The following PXDN variants were observed in gnomAD, a reference collection of about 807,000 sequenced individuals.
PXDN encodes the protein peroxidasin homolog.
In PXDN, 77 loss-of-function variants were observed where a neutral mutation model predicts 140.3. The observed-to-expected ratio is 0.55, with a 90% confidence interval of 0.46 to 0.66. PXDN has a LOEUF of 0.66. Among genes scored for constraint, PXDN ranks in the 30% least tolerant of loss-of-function variants. The pLI is 0.00. For synonymous variants in PXDN, 911 were observed against 857.4 expected (o/e 1.06, Z -1.09); for missense variants, 1,838 against 2,039.5 (o/e 0.90, Z 1.90).
intron 8 of PXDN, among the ~76,000 whole-genome samples, chr2:1,675,292 A>C (rs892241625): frequency 6.6e-6 from 1 of 152,206 alleles, no homozygotes; most frequent in Non-Finnish European, 1.5e-5. Context: ...ACAGGTCACC[A>C]GGCCTCAGGG....
At chr2:1,720,555 A>G (rs1169573076) in intron 1 of PXDN, among the ~76,000 whole-genome samples, 2 of 151,884 alleles carry the variant, frequency 1.3e-5, no homozygotes, top group African/African-American at 4.8e-5. Context: ...TTCTCACACC[A>G]CCTGCTCCAG....
At chr2:1,712,730 T>TC (rs1684812522) in intron 1 of PXDN, among the ~76,000 whole-genome samples, 2 of 152,162 alleles carry the variant, frequency 1.3e-5, no homozygotes, top group South Asian at 4.1e-4. Context: ...GTTTTAGATT[T>TC]CTTTTTTTTT....
chr2:1,696,356 G>C (rs1013977834), intron 1 of PXDN, among the ~76,000 whole-genome samples: 5 of 152,066 alleles, frequency 3.3e-5, no homozygotes, highest in African/African-American at 7.2e-5. Context: ...CATGCTCTAA[G>C]GCAGAGCACC....
chr2:1,711,122 ACT>A (rs1316748989), intron 1 of PXDN, among the ~76,000 whole-genome samples: 5 of 43,138 alleles, frequency 1.2e-4, no homozygotes, highest in Admixed American at 2.7e-4. Flanking sequence ...ACCAGCACCC[ACT>A]CTCCACCAGC....
intron 1 of PXDN, among the ~76,000 whole-genome samples, chr2:1,718,692 G>A (rs1288714954): frequency 6.6e-6 from 1 of 152,250 alleles, no homozygotes; most frequent in Non-Finnish European, 1.5e-5. Flanking sequence ...AGCAAACACG[G>A]GGTGACGCGG....
chr2:1,656,636 G>A, intron 14 of PXDN, among the ~76,000 whole-genome samples: 1 of 148,942 alleles, frequency 6.7e-6, no homozygotes, highest in Non-Finnish European at 1.5e-5. Flanking sequence ...CTCATGACAG[G>A]CACCTGCACA....
intron 21 of PXDN, 142 bp downstream of exon 21, chr2:1,638,704 C>A: frequency 2.3e-6 from 3 of 1,321,332 alleles, no homozygotes; most frequent in African/African-American, 1.4e-5. Context: ...AGAAATGACA[C>A]CCCCAAGGCT....
intron 15 of PXDN, 129 bp from the exon 16 acceptor site, chr2:1,653,914 A>G: frequency 2.6e-6 from 3 of 1,155,666 alleles, no homozygotes; most frequent in Non-Finnish European, 2.4e-6. Context: ...AATGTACTAT[A>G]CCTTCCTCAT....
At chr2:1,718,349 G>C (rs1172030035) in intron 1 of PXDN, among the ~76,000 whole-genome samples, 6 of 151,286 alleles carry the variant, frequency 4.0e-5, no homozygotes, top group Non-Finnish European at 4.4e-5. Context: ...ACCACCCAAA[G>C]CTACTCTATT....
At position 1,680,285 on chromosome 2, in the gene PXDN, G is replaced by A. The variant is rs751455151; in HGVS notation, c.638C>T (p.Ser213Leu). 4.3e-6 allele frequency: 7 copies of A among 1,613,860 alleles called. No homozygotes were observed. The highest frequency in any genetic ancestry group is 4.0e-5 in the African/African-American group (3 of 74,906). The change falls in exon 7 of 23, where the codon TCG becomes TTG. Residue 213 changes from serine to leucine, a missense_variant. Transcript: ENST00000252804. ...GATGGCCGCTGCCTGCGCGTTCCCC[G>A]ACTCCGCGTAGGTTTTCAGCAAATC... ...LADLLKTYAE[S>L]GNAQAAAICE...
chr2:1,741,432 C>T (rs12992568), intron 1 of PXDN, among the ~76,000 whole-genome samples: 69,353 of 151,746 alleles, frequency 0.46, 16,507 homozygotes, highest in African/African-American at 0.59. Context: ...GCACAGGGCG[C>T]GGGCTCCTGC....
intron 1 of PXDN, among the ~76,000 whole-genome samples, chr2:1,725,274 A>G (rs1685150133): frequency 6.6e-6 from 1 of 152,154 alleles, no homozygotes; most frequent in South Asian, 2.1e-4. Context: ...AGGATTTTCT[A>G]TATATAGGAA....
intron 17 of PXDN, among the ~76,000 whole-genome samples, chr2:1,647,298 G>A (rs570101502): frequency 1.3e-5 from 2 of 152,280 alleles, no homozygotes; most frequent in Non-Finnish European, 2.9e-5. Flanking sequence ...GCAAAAAGGA[G>A]AGCCGCTGAA....
chr2:1,740,382 A>C lies in PXDN; in HGVS notation c.200+3874T>G, dbSNP rs565238060. 9.6e-4 allele frequency among the ~76,000 whole-genome samples: 146 copies of C among 152,124 alleles called. 1 individual carries two copies. The highest frequency in any genetic ancestry group is 3.4e-3 in the African/African-American group (142 of 41,498). On this transcript the variant is annotated intron_variant, in intron 1 of 22. Coordinates refer to ENST00000252804, the MANE Select transcript of PXDN (RefSeq NM_012293.3). ...ATGAACCTCGGGACCCATGTGACTC[A>C]CTCAGGCGACGCAGTCTCCTAGACA...
chr2:1,688,618 G>A (rs770824586), intron 3 of PXDN, among the ~76,000 whole-genome samples: 34 of 152,204 alleles, frequency 2.2e-4, no homozygotes, highest in Non-Finnish European at 4.6e-4. Context: ...CAAGAAGGCT[G>A]TGAATCTGTG....
At chr2:1,677,541 AC>A (rs1378754165) in intron 7 of PXDN, among the ~76,000 whole-genome samples, 2 of 151,744 alleles carry the variant, frequency 1.3e-5, no homozygotes, top group Admixed American at 1.3e-4. Context: ...TTCACCCTCC[AC>A]CCTGGGCAAG....
At chr2:1,702,139 A>G (rs1407816056) in intron 1 of PXDN, among the ~76,000 whole-genome samples, 1 of 152,216 alleles carries the variant, frequency 6.6e-6, no homozygotes, top group Admixed American at 6.5e-5. Context: ...CCTGGCCTCA[A>G]TCCTTTGGCT....
At chr2:1,678,804 C>A (rs1035526135) in intron 7 of PXDN, among the ~76,000 whole-genome samples, 1 of 152,256 alleles carries the variant, frequency 6.6e-6, no homozygotes, top group Middle Eastern at 3.4e-3. Flanking sequence ...CAGTGCCCTG[C>A]GGAGCTGAGG....
At chr2:1,735,376 T>C (rs1685406568) in intron 1 of PXDN, among the ~76,000 whole-genome samples, 1 of 152,210 alleles carries the variant, frequency 6.6e-6, no homozygotes, top group African/African-American at 2.4e-5. Flanking sequence ...CTATAGCAGT[T>C]ACAGTATTAT....
Sources: allele counts gnomAD v4.1 joint callset (sites outside exome capture counted in the v4.1 genomes callset), GRCh38; gene constraint gnomAD v4.1.1; transcripts MANE v1.5; gene names NCBI Gene and HGNC (gene_info 2026-07-23, HGNC 2026-07-21).